The following RALYL variants were observed in gnomAD, a reference collection of about 807,000 sequenced individuals.
RALYL encodes RALY RNA binding protein like.
In RALYL, 29 loss-of-function variants were observed where a neutral mutation model predicts 35.1. The observed-to-expected ratio is 0.83, with a 90% CI of 0.61 to 1.13. The LOEUF is 1.13. Ranked by LOEUF, RALYL falls within the 50% of genes most tolerant of loss-of-function variation. RALYL has a pLI of 0.00. For synonymous variants in RALYL, 120 were observed against 127.6 expected (o/e 0.94, Z 0.40); for missense variants, 359 against 360.4 (o/e 1.00, Z 0.03).
At chr8:84,530,632 A>G (rs2059218210) in intron 2 of RALYL, among the ~76,000 whole-genome samples, 1 of 152,126 alleles carries the variant, frequency 6.6e-6, no homozygotes. Context: ...TCTCAGGGGC[A>G]CTGAAATAAC....
At chr8:84,342,835 A>G (rs1218535666) in intron 1 of RALYL, among the ~76,000 whole-genome samples, 1 of 152,068 alleles carries the variant, frequency 6.6e-6, no homozygotes, top group Non-Finnish European at 1.5e-5. Flanking sequence ...ACTGTCTGTA[A>G]TCACTAAATA....
chr8:84,647,236 A>G (rs1474673300), intron 2 of RALYL, among the ~76,000 whole-genome samples: 1 of 152,058 alleles, frequency 6.6e-6, no homozygotes, highest in Non-Finnish European at 1.5e-5. Flanking sequence ...GTGCAGTGGG[A>G]TATTGGATGG....
At chr8:84,916,269 C>A (rs954446832) in intron 8 of RALYL, among the ~76,000 whole-genome samples, 2 of 151,878 alleles carry the variant, frequency 1.3e-5, no homozygotes, top group Non-Finnish European at 1.5e-5. Flanking sequence ...TATCACATAT[C>A]TTGTATCTTA....
intron 2 of RALYL, among the ~76,000 whole-genome samples, chr8:84,663,768 G>A (rs905573903): frequency 5.3e-5 from 8 of 152,066 alleles, no homozygotes; most frequent in Admixed American, 3.3e-4. Context: ...TCTCTAGGCT[G>A]TCCATTCACT....
rs1356016831 is a variant in RALYL at position 84,353,447 on chromosome 8, A to G, written c.-24+169023A>G. Among the ~76,000 whole-genome samples, 5 of 150,306 alleles carry G rather than the reference A, an allele frequency of 3.3e-5. 2 individuals are homozygous for G. The highest frequency in any genetic ancestry group is 1.2e-4 in the African/African-American group (5 of 40,380). ...CCCAGTGCATCTCTTCTTTTACACT[A>G]TTTTCAATCACAAGACTATAACATG... On this transcript the variant is annotated intron_variant, in intron 1 of 8. Coordinates refer to ENST00000521268, the MANE Select transcript of RALYL (RefSeq NM_173848.7).
chr8:84,617,483 A>T (rs1213000555), intron 2 of RALYL, among the ~76,000 whole-genome samples: 5 of 149,918 alleles, frequency 3.3e-5, no homozygotes, highest in African/African-American at 1.3e-4. Context: ...CAGCTTAAGG[A>T]GATTTTGGGC....
intron 1 of RALYL, among the ~76,000 whole-genome samples, chr8:84,417,214 G>C (rs1405927179): frequency 6.6e-6 from 1 of 151,940 alleles, no homozygotes; most frequent in East Asian, 1.9e-4. Flanking sequence ...GAAAAACATA[G>C]TATTTTTAAG....
intron 1 of RALYL, among the ~76,000 whole-genome samples, chr8:84,189,312 G>C (rs1245861867): frequency 6.6e-6 from 1 of 152,096 alleles, no homozygotes; most frequent in Non-Finnish European, 1.5e-5. Flanking sequence ...CTTTTTGCTT[G>C]AATTCTTTCC....
chr8:84,824,902 T>A (rs1162130152), intron 4 of RALYL, among the ~76,000 whole-genome samples: 1 of 152,082 alleles, frequency 6.6e-6, no homozygotes, highest in Non-Finnish European at 1.5e-5. Flanking sequence ...CCTCAAACTA[T>A]AAGAATCTTA....
chr8:84,688,080 T>A (rs987295888), intron 2 of RALYL, among the ~76,000 whole-genome samples: 2 of 151,948 alleles, frequency 1.3e-5, no homozygotes. Context: ...CCTCCCCCAA[T>A]TGCCATTGAT....
At chr8:84,522,603 G>A (rs368326033) in intron 1 of RALYL, among the ~76,000 whole-genome samples, 1 of 152,106 alleles carries the variant, frequency 6.6e-6, no homozygotes, top group Non-Finnish European at 1.5e-5. Flanking sequence ...CACTTTAAGA[G>A]ATTTTCTCTG....
chr8:84,251,867 TG>T (rs1027059013), intron 1 of RALYL, among the ~76,000 whole-genome samples: 6 of 151,980 alleles, frequency 3.9e-5, no homozygotes, highest in Non-Finnish European at 7.4e-5. Flanking sequence ...CTCTAATGAT[TG>T]GGGGGAAGTT....
At chr8:84,796,268 C>T (rs1821888219) in intron 3 of RALYL, among the ~76,000 whole-genome samples, 1 of 152,130 alleles carries the variant, frequency 6.6e-6, no homozygotes, top group African/African-American at 2.4e-5. Context: ...AATGTGTCTC[C>T]TAGGCATCTT....
At chr8:84,650,862 C>T (rs1192746445) in intron 2 of RALYL, among the ~76,000 whole-genome samples, 1 of 152,010 alleles carries the variant, frequency 6.6e-6, no homozygotes, top group Non-Finnish European at 1.5e-5. Context: ...GAAAATGTGG[C>T]ACATATACAC....
At chr8:84,269,197 A>C (rs1833857648) in intron 1 of RALYL, among the ~76,000 whole-genome samples, 2 of 152,184 alleles carry the variant, frequency 1.3e-5, no homozygotes, top group African/African-American at 4.8e-5. Flanking sequence ...TATGGGAAAG[A>C]ATGACTCCAC....
At chr8:84,657,605 G>A (rs909093630) in intron 2 of RALYL, among the ~76,000 whole-genome samples, 9 of 152,102 alleles carry the variant, frequency 5.9e-5, no homozygotes, top group African/African-American at 1.9e-4. Flanking sequence ...ATTTCTACAA[G>A]ATAAAACTTT....
intron 5 of RALYL, among the ~76,000 whole-genome samples, chr8:84,852,445 G>T (rs1204222266): frequency 6.6e-6 from 1 of 152,084 alleles, no homozygotes; most frequent in Non-Finnish European, 1.5e-5. Context: ...TATCTAGACT[G>T]TTTTTATACT....
At chr8:84,812,285 C>A (rs1347500260) in intron 4 of RALYL, among the ~76,000 whole-genome samples, 2 of 152,116 alleles carry the variant, frequency 1.3e-5, no homozygotes. Context: ...GTCTAGCCAC[C>A]CAGCAAGTCC....
intron 1 of RALYL, among the ~76,000 whole-genome samples, chr8:84,300,300 G>C (rs1840525346): frequency 6.6e-6 from 1 of 151,900 alleles, no homozygotes; most frequent in Non-Finnish European, 1.5e-5. Context: ...TAGTCTGAGA[G>C]TGTGATTGGT....
Sources: allele counts gnomAD v4.1 joint callset (sites outside exome capture counted in the v4.1 genomes callset), GRCh38; gene constraint gnomAD v4.1.1; transcripts MANE v1.5; gene names NCBI Gene and HGNC (gene_info 2026-07-23, HGNC 2026-07-21).